Variants in TRIM7 observed in about 807,000 individuals in gnomAD.
TRIM7 encodes the protein tripartite motif containing 7.
TRIM7 carries 32 observed loss-of-function variants against 37.9 expected under a neutral mutation model. The ratio of observed to expected loss-of-function variants is 0.84; its 90% CI spans 0.64 to 1.13. The LOEUF (loss-of-function observed/expected upper bound fraction) is 1.13. TRIM7 is among the 50% of genes most tolerant of loss of function. The pLI is 0.00. For synonymous variants in TRIM7, 351 were observed against 321.3 expected, an observed-to-expected ratio of 1.09 and a Z score of -0.99; for missense variants, 732 against 714.0, an observed-to-expected ratio of 1.03 and a Z score of -0.29.
In TRIM7 at chr5:181,204,714, G is replaced by T; in HGVS notation, c.397C>A (p.His133Asn). 6.7e-7 allele frequency: 1 copy of T among 1,484,946 alleles called. No homozygotes were observed. The highest frequency in any genetic ancestry group is 1.3e-5 in the South Asian group (1 of 78,624). The allele number at this position is 1,484,946 out of a possible 1,614,324, so 92.0% of individuals were successfully genotyped here. Residue 133 changes from histidine (H) to asparagine (N), a missense_variant, in exon 1 of 7, where the codon CAT (histidine) becomes AAT (asparagine). Physicochemically the swap from His to Asn is moderately conservative, Grantham distance 68. Transcript: ENST00000274773. ...CAGTAGAGCTTGAAGGGTTCGCCATGCTGCCCGCAGCGGGCAGCCGCTGCC... is the reference window on the plus strand; with the variant it reads ...CAGTAGAGCTTGAAGGGTTCGCCATTCTGCCCGCAGCGGGCAGCCGCTGCC... ...ARAAAARCGQ[H>N]GEPFKLYCQD...
At chr5:181,199,415 G>A in intron 3 of TRIM7, 2 of 528,606 alleles carry the variant, frequency 3.8e-6, no homozygotes, top group South Asian at 2.1e-5. Flanking sequence ...ACCCAGTGCT[G>A]CGTGTGTCCT....
At chr5:181,202,178 CTTTT>C (rs71593427) in intron 2 of TRIM7, 5 of 131,856 alleles carry the variant, frequency 3.8e-5, no homozygotes, top group East Asian at 2.2e-4. Context: ...TCCTTTCATT[CTTTT>C]TTTTTTTTTT....
At chr5:181,195,840 A>G in intron 6 of TRIM7, 163 bp from the exon 7 acceptor site, 3 of 877,350 alleles carry the variant, frequency 3.4e-6, no homozygotes, top group South Asian at 2.5e-5. Flanking sequence ...TCTGCCTCCC[A>G]GAGATTTTGC....
At chr5:181,196,335 G>A in intron 6 of TRIM7, 1 of 152,344 alleles carries the variant, frequency 6.6e-6, no homozygotes. Flanking sequence ...ATTGCAGTGA[G>A]CTGAGATCAC....
At chr5:181,198,569 G>T (rs1312555344) in intron 5 of TRIM7, 121 bp downstream of exon 5, 3 of 750,280 alleles carry the variant, frequency 4.0e-6, no homozygotes, top group Non-Finnish European at 6.9e-6. Context: ...TCTGGCCATG[G>T]CACAGCCAGC....
chr5:181,198,968 A>G, intron 4 of TRIM7, 127 bp downstream of exon 4: 1 of 1,341,500 alleles, frequency 7.5e-7, no homozygotes. Flanking sequence ...TTTGTCTCGG[A>G]AGGTCCCCAG....
Position 181,204,628 on chromosome 5 carries a change from G to C in TRIM7, c.483C>G (p.His161Gln). ...CCGCCTCGTCCAGCGGCAGCACGGC[G>C]TGCTCGCGGTGCTCGCGGGCGCGGT... is the stretch of plus-strand genomic sequence containing the variant. ...VCDRAREHREHAVLPLDEAVQ... is the reference protein window; with the variant it reads ...VCDRAREHREQAVLPLDEAVQ... The change falls in exon 1 of 7, where the codon CAC becomes CAG. Residue 161 changes from histidine to glutamine, a missense_variant. Coordinates refer to ENST00000274773, the MANE Select transcript of TRIM7 (RefSeq NM_203293.3). The C allele has an allele frequency of 6.8e-7, 1 of 1,474,078 alleles. No individual in the cohort carries two copies. Among genetic ancestry groups the C allele is most frequent in the Non-Finnish European group, 8.9e-7 (1 of 1,125,482 alleles). 91.3% of individuals were successfully genotyped at this position (1,474,078 alleles called of 1,614,324 possible).
intron 3 of TRIM7, 185 bp from the exon 4 acceptor site, chr5:181,199,302 C>G (rs1757332173): frequency 1.5e-6 from 1 of 656,708 alleles, no homozygotes; most frequent in Non-Finnish European, 2.7e-6. Context: ...GTGTCTCACC[C>G]ACGCAGTGGA....
intron 2 of TRIM7, 137 bp from the exon 3 acceptor site, chr5:181,200,218 C>G (rs1349032126): frequency 1.3e-6 from 2 of 1,559,208 alleles, no homozygotes; most frequent in African/African-American, 1.4e-5. Context: ...CCTACGCACG[C>G]AGTGCGTGCT....
intron 2 of TRIM7, among the ~76,000 whole-genome samples, chr5:181,201,896 T>A (rs1369122472): frequency 6.6e-6 from 1 of 152,022 alleles, no homozygotes; most frequent in Non-Finnish European, 1.5e-5. Flanking sequence ...TGTCAACCAG[T>A]GGGGGAAGAG....
At position 181,205,035 on chromosome 5, in the gene TRIM7, C is replaced by T. The variant is rs1303001056; in HGVS notation, c.76G>A (p.Glu26Lys). The change falls in exon 1 of 7, where the codon GAG becomes AAG. Residue 26 changes from glutamate (E) to lysine (K), a missense_variant. By Grantham distance (56) the Glu-to-Lys change is moderately conservative. Transcript: ENST00000274773. ...ALALAAELQGEATCSICLELF... is the reference protein window; with the variant it reads ...ALALAAELQGKATCSICLELF... ...TCTAGGCAGATGGAGCACGTCGCCT[C>T]GCCCTGCAGCTCTGCCGCCAGCGCT... is the stretch of plus-strand genomic sequence containing the variant. 1 of 1,435,620 alleles carries T rather than the reference C, an allele frequency of 7.0e-7. No individual in the cohort carries two copies. The highest frequency in any genetic ancestry group is 9.1e-7 in the Non-Finnish European group (1 of 1,101,410). 88.9% of individuals were successfully genotyped at this position (1,435,620 alleles called of 1,614,324 possible).
At chr5:181,198,031 G>A in intron 6 of TRIM7, 152 bp downstream of exon 6, 2 of 710,688 alleles carry the variant, frequency 2.8e-6, no homozygotes, top group Non-Finnish European at 2.4e-6. Context: ...TGGGGAGGGG[G>A]TGGTGTGGGG....
At position 181,195,161 on chromosome 5, in the gene TRIM7, G is replaced by A; in HGVS notation, c.*5C>T. The stretch of plus-strand genomic sequence containing the variant: ...CCAGAGACAGGAGCTCCCCAGCAGT[G>A]CCCCTCAAGGCCAGATTCGCAAGTA... On this transcript the variant is annotated 3_prime_UTR_variant, in exon 7 of 7. Coordinates refer to ENST00000274773, the MANE Select transcript of TRIM7 (RefSeq NM_203293.3). The A allele has an allele frequency of 8.8e-6, 14 of 1,586,720 alleles. No homozygotes were observed. The highest frequency in any genetic ancestry group is 1.2e-5 in the Non-Finnish European group (14 of 1,164,122).
rs1050718432 is a variant in TRIM7, at chr5:181,194,333, G to A, written c.*833C>T. On this transcript the variant is annotated 3_prime_UTR_variant, in exon 7 of 7. Transcript: ENST00000274773. ...ACTGGAGGATCACTTGAGGCCAGGA[G>A]TTCAAGACCAGCCTGGGCAACATAG... is the stretch of plus-strand genomic sequence containing the variant. The A allele has an allele frequency of 2.0e-5, 3 of 152,342 alleles. No individual in the cohort carries two copies. Among genetic ancestry groups the A allele is most frequent in the Non-Finnish European group, 4.4e-5 (3 of 68,146 alleles). The allele number at this position is 152,342 out of a possible 1,614,324, so 9.4% of individuals were successfully genotyped here.
At position 181,194,983 on chromosome 5, in the gene TRIM7, C is replaced by T. The variant is rs1309384493; in HGVS notation, c.*183G>A. ...GAACACCCTCAGGAGTCCAAAGCCC[C>T]TGTTCCCCTGCTCGGTTGGCCACAG... is the stretch of plus-strand genomic sequence containing the variant. On this transcript the variant is annotated 3_prime_UTR_variant, in exon 7 of 7. Coordinates refer to ENST00000274773, the MANE Select transcript of TRIM7 (RefSeq NM_203293.3). 3 of 680,878 alleles carry T rather than the reference C, an allele frequency of 4.4e-6. No individual in the cohort carries two copies. The highest frequency in any genetic ancestry group is 7.2e-6 in the Non-Finnish European group (3 of 415,542). The allele number at this position is 680,878 out of a possible 1,614,324, so 42.2% of individuals were successfully genotyped here. A position where few individuals can be genotyped will look rare whatever the true frequency, so the allele number is the denominator to read the frequency against.
rs1757615379 is a variant in TRIM7, at chr5:181,203,218, A to G, written c.618+327T>C. The stretch of plus-strand genomic sequence containing the variant: ...ATCCATGTTTCTCTGCAGAAATAGT[A>G]ATGTGTTCCATTACAAGATGCTTCC... On this transcript the variant is annotated intron_variant, in intron 2 of 6. Transcript: ENST00000274773. 2.9e-6 allele frequency: 3 copies of G among 1,048,310 alleles called. No homozygotes were observed. The East Asian group carries it at 1.3e-4, about 44-fold the overall frequency. 64.9% of individuals were successfully genotyped at this position (1,048,310 alleles called of 1,614,324 possible).
rs768191915 is a variant in TRIM7, at chr5:181,195,596, C to G, written c.1106G>C (p.Arg369Pro). The change falls in exon 7 of 7, where the codon CGG becomes CCG. Residue 369 changes from arginine (R) to proline (P), a missense_variant. Arg to Pro is a moderately radical substitution (Grantham distance 103). Transcript: ENST00000274773. ...LDLKGVRLGE[R>P]AQDLPNHPCR... is the part of the protein sequence containing the mutation. ...GGGGTGGTTGGGCAGGTCCTGGGCC[C>G]GCTCGCCGAGGCGCACGCCCTTAAG... 1.9e-6 allele frequency: 3 copies of G among 1,592,334 alleles called. No individual in the cohort carries two copies. The highest frequency in any genetic ancestry group is 1.1e-5 in the South Asian group (1 of 89,400).
Position 181,198,676 on chromosome 5 carries a change from G to A in TRIM7, c.988+14C>T, listed in dbSNP as rs748263061. On this transcript the variant is annotated intron_variant, in intron 5 of 6. Transcript: ENST00000274773. ...ACCGCACTATGTGGCCCAGCTTGGC[G>A]CCCAGGCCCCTACCTTTGAACTTCT... is the stretch of plus-strand genomic sequence containing the variant. 17 of 1,592,796 alleles carry A rather than the reference G, an allele frequency of 1.1e-5. No individual in the cohort carries two copies. Among genetic ancestry groups the A allele is most frequent in the Non-Finnish European group, 1.3e-5 (15 of 1,160,834 alleles).
chr5:181,203,643 G>A lies in TRIM7; in HGVS notation c.523-3C>T, dbSNP rs749428249. The stretch of plus-strand genomic sequence containing the variant: ...CTCAGCCTGGACTCCAAGAGCTCCT[G>A]TAGATGAAGGGAAACAATGTAAGGT... On this transcript the variant is annotated splice_polypyrimidine_tract_variant and splice_region_variant and intron_variant, in intron 1 of 6. Coordinates refer to ENST00000274773, the MANE Select transcript of TRIM7 (RefSeq NM_203293.3). 6.2e-6 allele frequency: 10 copies of A among 1,607,350 alleles called. No individual in the cohort carries two copies. The African/African-American group carries it at 1.2e-4, about 19-fold the overall frequency.
Sources: allele counts gnomAD v4.1 joint callset (sites outside exome capture counted in the v4.1 genomes callset), GRCh38; gene constraint gnomAD v4.1.1; transcripts MANE v1.5; gene names NCBI Gene and HGNC (gene_info 2026-07-23, HGNC 2026-07-21).